UGP2: variants seen among roughly 807,000 people sequenced by gnomAD.
UGP2 encodes UTP--glucose-1-phosphate uridylyltransferase.
Under a neutral mutation model 49.0 loss-of-function variants are expected in UGP2, and 40 were observed. The observed-to-expected ratio is 0.82, with a 90% CI of 0.63 to 1.06. The LOEUF is 1.06. Among genes scored for constraint, UGP2 ranks in the 50% least tolerant of loss-of-function variants. UGP2 has a pLI of 0.00. For synonymous variants in UGP2, 225 were observed against 213.0 expected (o/e 1.06, Z -0.49); for missense variants, 460 against 603.5 (o/e 0.76, Z 2.49).
chr2:63,883,377 AT>A (rs1205660926), intron 4 of UGP2: 1 of 152,222 alleles, frequency 6.6e-6, no homozygotes, highest in African/African-American at 2.4e-5. Flanking sequence ...CAGAATTAAA[AT>A]TTTAACATAG....
intron 3 of UGP2, among the ~76,000 whole-genome samples, chr2:63,863,909 A>G (rs1480110726): frequency 1.3e-5 from 2 of 152,236 alleles, no homozygotes; most frequent in Non-Finnish European, 2.9e-5. Context: ...ACAGATTTCT[A>G]TTTATAGATG....
At position 63,856,361 on chromosome 2, in the gene UGP2, G is replaced by C; in HGVS notation, c.75G>C (p.Arg25=). 1.2e-6 allele frequency: 2 copies of C among 1,613,908 alleles called. No individual in the cohort carries two copies. Among genetic ancestry groups the C allele is most frequent in the South Asian group, 2.2e-5 (2 of 91,072 alleles). Residue 25 remains arginine, a synonymous_variant, in exon 2 of 10, where the codon CGG becomes CGC. Transcript: ENST00000337130. ...DGASQFQEVI[R]QELELSVKKE... Reference sequence around the variant, plus strand: ...CTTCTCAGTTCCAAGAAGTCATTCGGCAAGAGCTAGAATTATCTGTGAAGA... The same window carrying C: ...CTTCTCAGTTCCAAGAAGTCATTCGCCAAGAGCTAGAATTATCTGTGAAGA...
chr2:63,842,395 C>T (rs2104223367), intron 1 of UGP2, 191 bp downstream of exon 1: 2 of 1,591,696 alleles, frequency 1.3e-6, no homozygotes, highest in Non-Finnish European at 1.7e-6. Context: ...ATAATTTATG[C>T]TCCTGTACCC....
chr2:63,842,438 G>C, intron 1 of UGP2: 2 of 1,556,190 alleles, frequency 1.3e-6, no homozygotes, highest in Non-Finnish European at 1.7e-6. Flanking sequence ...CTGAAATCAG[G>C]TTAGTAGTAC....
At chr2:63,870,259 T>G (rs1315650103) in intron 3 of UGP2, among the ~76,000 whole-genome samples, 1 of 152,060 alleles carries the variant, frequency 6.6e-6, no homozygotes, top group African/African-American at 2.4e-5. Context: ...GATTTGGGAG[T>G]TAATAGCTGG....
At chr2:63,863,096 C>T (rs1482649518) in intron 3 of UGP2, among the ~76,000 whole-genome samples, 2 of 152,160 alleles carry the variant, frequency 1.3e-5, no homozygotes, top group African/African-American at 4.8e-5. Flanking sequence ...TTTATGACTT[C>T]AGCTGACTTC....
At chr2:63,850,483 T>C (rs2104257076) in intron 1 of UGP2, among the ~76,000 whole-genome samples, 1 of 152,374 alleles carries the variant, frequency 6.6e-6, no homozygotes, top group African/African-American at 2.4e-5. Context: ...TATCATTGAA[T>C]GACATGGAAT....
intron 3 of UGP2, among the ~76,000 whole-genome samples, chr2:63,867,189 A>T (rs894991945): frequency 1.1e-4 from 16 of 152,212 alleles, no homozygotes; most frequent in African/African-American, 3.6e-4. Flanking sequence ...TCACTAAAAA[A>T]TCCTACCATT....
chr2:63,880,412 G>T (rs1671225187), intron 3 of UGP2, among the ~76,000 whole-genome samples: 2 of 151,980 alleles, frequency 1.3e-5, no homozygotes, highest in African/African-American at 4.8e-5. Flanking sequence ...AGGCTGCCTT[G>T]GCTTCCCAAA....
At chr2:63,878,246 T>C (rs1478654379) in intron 3 of UGP2, among the ~76,000 whole-genome samples, 2 of 152,192 alleles carry the variant, frequency 1.3e-5, no homozygotes, top group Admixed American at 1.3e-4. Flanking sequence ...AGCTTGTCTT[T>C]GAAGCAGAAT....
At chr2:63,853,656 G>A (rs1558935991) in intron 1 of UGP2, among the ~76,000 whole-genome samples, 1 of 152,028 alleles carries the variant, frequency 6.6e-6, no homozygotes, top group African/African-American at 2.4e-5. Flanking sequence ...TTTTGTTTGC[G>A]CCAGTGTCAG....
intron 3 of UGP2, among the ~76,000 whole-genome samples, chr2:63,876,932 G>A (rs1256548145): frequency 1.3e-5 from 2 of 152,222 alleles, no homozygotes; most frequent in Non-Finnish European, 2.9e-5. Context: ...GGGGATATTC[G>A]AGTTAAAACT....
At chr2:63,847,662 G>A (rs1271172782) in intron 1 of UGP2, among the ~76,000 whole-genome samples, 2 of 152,184 alleles carry the variant, frequency 1.3e-5, no homozygotes, top group Non-Finnish European at 2.9e-5. Flanking sequence ...GCAGGAGTGG[G>A]GGTCACAAGG....
At chr2:63,882,129 T>G (rs1378758348) in intron 3 of UGP2, among the ~76,000 whole-genome samples, 3 of 152,240 alleles carry the variant, frequency 2.0e-5, no homozygotes, top group Non-Finnish European at 2.9e-5. Context: ...TCATTTGCTA[T>G]GTTGATGCAA....
chr2:63,882,820 C>T (rs1364151857), intron 4 of UGP2, 169 bp downstream of exon 4: 5 of 606,362 alleles, frequency 8.2e-6, no homozygotes, highest in Non-Finnish European at 1.2e-5. Flanking sequence ...AGGGCAAATC[C>T]TTAAGGTTAT....
intron 2 of UGP2, chr2:63,857,437 C>T: frequency 1.2e-5 from 4 of 335,364 alleles, no homozygotes; most frequent in Non-Finnish European, 1.2e-5. Context: ...AATCTCTGCT[C>T]ACTGCAGCCT....
At chr2:63,850,325 A>G (rs969005667) in intron 1 of UGP2, among the ~76,000 whole-genome samples, 2 of 152,232 alleles carry the variant, frequency 1.3e-5, no homozygotes, top group Non-Finnish European at 2.9e-5. Flanking sequence ...ATCAAAAAGC[A>G]TTTATTAACC....
Position 63,885,937 on chromosome 2 carries a change from A to C in UGP2, c.873+51A>C. On this transcript the variant is annotated intron_variant, in intron 6 of 9. Transcript: ENST00000337130. Reference sequence around the variant, plus strand: ...GGGCTTCATGTTTTCACATTTCGTAAGTTATGAAGTTAAAGACTTTTTTAT... The same window carrying C: ...GGGCTTCATGTTTTCACATTTCGTACGTTATGAAGTTAAAGACTTTTTTAT... 3 of 1,489,826 alleles carry C rather than the reference A, an allele frequency of 2.0e-6. No individual in the cohort carries two copies. In the South Asian group the frequency reaches 4.4e-5, roughly 22 times the overall value. The allele number at this position is 1,489,826 out of a possible 1,614,324, so 92.3% of individuals were successfully genotyped here.
intron 3 of UGP2, among the ~76,000 whole-genome samples, chr2:63,874,904 T>C (rs1670812881): frequency 6.6e-6 from 1 of 152,182 alleles, no homozygotes; most frequent in African/African-American, 2.4e-5. Context: ...CAGAAGCAGA[T>C]GCTGACACCA....
Sources: allele counts gnomAD v4.1 joint callset (sites outside exome capture counted in the v4.1 genomes callset), GRCh38; gene constraint gnomAD v4.1.1; transcripts MANE v1.5; gene names NCBI Gene and HGNC (gene_info 2026-07-23, HGNC 2026-07-21).